The following ZNF385D variants were observed in gnomAD, a reference collection of about 807,000 sequenced individuals.
ZNF385D encodes the protein zinc finger protein 659.
ZNF385D carries 15 observed loss-of-function variants against 35.8 expected under a neutral mutation model. The ratio of observed to expected loss-of-function variants is 0.42; its 90% CI spans 0.28 to 0.64. The LOEUF (loss-of-function observed/expected upper bound fraction) is 0.64. Among genes scored for constraint, ZNF385D ranks in the 30% least tolerant of loss-of-function variants. The pLI, the probability that ZNF385D is intolerant of heterozygous loss-of-function variation, is 0.23. For missense variants in ZNF385D, 474 were observed against 494.6 expected, an observed-to-expected ratio of 0.96 and a Z score of 0.39; for synonymous variants, 212 against 186.8, an observed-to-expected ratio of 1.13 and a Z score of -1.10.
At chr3:21,942,187 C>T (rs537870) in intron 3 of ZNF385D, among the ~76,000 whole-genome samples, 39,590 of 152,008 alleles carry the variant, frequency 0.26, 5,841 homozygotes, top group Admixed American at 0.41. Flanking sequence ...TGAAATATTA[C>T]ATTTTAATTT....
chr3:21,544,284 A>G (rs1456365044), intron 3 of ZNF385D, among the ~76,000 whole-genome samples: 1 of 152,208 alleles, frequency 6.6e-6, no homozygotes, highest in Non-Finnish European at 1.5e-5. Context: ...CTAACCACAG[A>G]CTTGACTAAG....
intron 3 of ZNF385D, among the ~76,000 whole-genome samples, chr3:21,916,955 C>T (rs1700219583): frequency 6.6e-6 from 1 of 152,170 alleles, no homozygotes; most frequent in Admixed American, 6.5e-5. Context: ...CCCCCACACT[C>T]CCACTGCTGC....
Position 22,325,828 on chromosome 3 carries a change from TCA to T in ZNF385D, c.106+46620_106+46621del, listed in dbSNP as rs561723238. Among the ~76,000 whole-genome samples, 455 of 142,468 alleles carry T rather than the reference TCA, an allele frequency of 3.2e-3. 2 individuals are homozygous for T. The highest frequency in any genetic ancestry group is 9.3e-3 in the African/African-American group (376 of 40,592). The allele number at this position is 142,468 out of a possible 152,430, so 93.5% of individuals were successfully genotyped here. On this transcript the variant is annotated intron_variant, in intron 2 of 5. Transcript: ENST00000494108. ...GGGTATCATGAGGGAACAAAAAGAA[TCA>T]CATTTTTTTTTCTCTAAAGGTCTGG...
At chr3:21,777,889 A>T (rs1036363212) in intron 3 of ZNF385D, 2 of 151,828 alleles carry the variant, frequency 1.3e-5, no homozygotes, top group African/African-American at 4.8e-5. Context: ...TGGAACAGAG[A>T]CACCCTAGCT....
intron 3 of ZNF385D, among the ~76,000 whole-genome samples, chr3:21,942,295 AG>A (rs1156767146): frequency 1.3e-5 from 2 of 152,220 alleles, no homozygotes; most frequent in Admixed American, 1.3e-4. Flanking sequence ...AAATAAAAAT[AG>A]ATTTGAATTC....
chr3:21,999,230 A>G (rs1695681355), intron 3 of ZNF385D, among the ~76,000 whole-genome samples: 1 of 152,132 alleles, frequency 6.6e-6, no homozygotes. Context: ...TAGCAAGGAT[A>G]TTTCCTCAGG....
chr3:21,602,517 C>CTTTTT lies in ZNF385D; in HGVS notation c.166-37838_166-37834dup, dbSNP rs746138066. Among the ~76,000 whole-genome samples the CTTTTT allele has an allele frequency of 7.8e-3, 486 of 62,686 alleles. 111 individuals are homozygous for CTTTTT. Among genetic ancestry groups the CTTTTT allele is most frequent in the African/African-American group, 0.031 (404 of 13,218 alleles). The allele number at this position is 62,686 out of a possible 152,430, so 41.1% of individuals were successfully genotyped here. A position where few individuals can be genotyped will look rare whatever the true frequency, so the allele number is the denominator to read the frequency against. ...TAGGTCTCCTGTTTCCCTGCATTTT[C>CTTTTT]TTTTTTTTTTTTTTTTTTTTTTTTT... On this transcript the variant is annotated intron_variant, in intron 2 of 7. Transcript: ENST00000281523.
chr3:21,976,435 A>T (rs1287842381), intron 3 of ZNF385D, among the ~76,000 whole-genome samples: 1 of 152,234 alleles, frequency 6.6e-6, no homozygotes, highest in African/African-American at 2.4e-5. Context: ...GAATTGAAAA[A>T]ATACAATAAC....
At chr3:22,057,986 GT>G (rs1473510648) in intron 3 of ZNF385D, among the ~76,000 whole-genome samples, 1 of 152,116 alleles carries the variant, frequency 6.6e-6, no homozygotes, top group Admixed American at 6.6e-5. Context: ...ATCAAATAAA[GT>G]AATGGAAAAT....
At chr3:22,227,101 G>A (rs1196897226) in intron 2 of ZNF385D, among the ~76,000 whole-genome samples, 1 of 151,654 alleles carries the variant, frequency 6.6e-6, no homozygotes, top group Non-Finnish European at 1.5e-5. Context: ...CCAGCTATTT[G>A]TATATACATT....
At chr3:21,721,137 G>C (rs769354554) in intron 1 of ZNF385D, among the ~76,000 whole-genome samples, 16 of 152,148 alleles carry the variant, frequency 1.1e-4, no homozygotes, top group Non-Finnish European at 1.9e-4. Context: ...CCTTAGAAAG[G>C]AGCATAATGA....
At chr3:21,978,390 C>T (rs2291817) in intron 3 of ZNF385D, 26 of 152,180 alleles carry the variant, frequency 1.7e-4, no homozygotes, top group South Asian at 6.2e-4. Context: ...AGATATGCTA[C>T]GTGTTTTGCC....
intron 2 of ZNF385D, among the ~76,000 whole-genome samples, chr3:22,353,015 G>C (rs950272015): frequency 6.6e-6 from 1 of 152,126 alleles, no homozygotes; most frequent in Non-Finnish European, 1.5e-5. Context: ...TTTCTAGATG[G>C]TTCCTTATTC....
chr3:21,993,658 C>T (rs568955824), intron 3 of ZNF385D, among the ~76,000 whole-genome samples: 1 of 152,136 alleles, frequency 6.6e-6, no homozygotes, highest in Non-Finnish European at 1.5e-5. Flanking sequence ...TCTAAAAGAG[C>T]TATATCATGA....
chr3:22,000,071 C>T (rs778764613), intron 3 of ZNF385D, among the ~76,000 whole-genome samples: 14 of 151,954 alleles, frequency 9.2e-5, no homozygotes, highest in African/African-American at 1.5e-4. Flanking sequence ...TTTGGGAGGC[C>T]GAGGCGGGCA....
chr3:22,007,599 G>C (rs976071941), intron 3 of ZNF385D, among the ~76,000 whole-genome samples: 4 of 152,172 alleles, frequency 2.6e-5, no homozygotes, highest in African/African-American at 9.7e-5. Flanking sequence ...GCAGGCCTAT[G>C]AGCCATGTAT....
At chr3:21,527,607 G>A (rs138582423) in intron 3 of ZNF385D, among the ~76,000 whole-genome samples, 1 of 152,150 alleles carries the variant, frequency 6.6e-6, no homozygotes, top group East Asian at 1.9e-4. Flanking sequence ...ATTAACTTCA[G>A]GCTTTCCTCC....
chr3:21,957,600 A>G (rs185161947), intron 3 of ZNF385D, among the ~76,000 whole-genome samples: 228 of 152,246 alleles, frequency 1.5e-3, no homozygotes, highest in African/African-American at 5.2e-3. Context: ...GAGGACATGC[A>G]TAAGGTATTG....
intron 1 of ZNF385D, among the ~76,000 whole-genome samples, chr3:21,750,354 T>G (rs2125553946): frequency 6.6e-6 from 1 of 152,354 alleles, no homozygotes; most frequent in East Asian, 1.9e-4. Flanking sequence ...ATATGCATTT[T>G]GTGCTAGGCT....
Sources: gnomAD v4.1 joint callset for allele counts (sites outside exome capture counted in the v4.1 genomes callset) on GRCh38, gnomAD v4.1.1 for gene constraint, MANE v1.5 for transcripts, NCBI Gene and HGNC (gene_info 2026-07-23, HGNC 2026-07-21) for gene names.